PCDH18: variants seen among roughly 807,000 people sequenced by gnomAD.
PCDH18 encodes protocadherin 18, also known as protocadherin-18.
PCDH18 carries 38 observed loss-of-function variants against 71.5 expected under a neutral mutation model. That is an observed-to-expected ratio of 0.53 (90% CI 0.41 to 0.70). The LOEUF is 0.70. Ranked by LOEUF, PCDH18 falls within the 30% of genes least tolerant of loss-of-function variation. PCDH18 has a pLI of 0.00. For missense variants in PCDH18, 1,334 were observed against 1,384.6 expected (o/e 0.96, Z 0.58); for synonymous variants, 565 against 505.4 (o/e 1.12, Z -1.58).
In PCDH18 at chr4:137,521,243, G is replaced by A. The variant is rs1731282952; in HGVS notation, c.3194C>T (p.Pro1065Leu). ...AWAASTHFQN[P>L]TTNCGPPLGT... is the part of the protein sequence containing the mutation. ...AAGTGGCGGCCCACAGTTGGTGGTGGGATTTTGAAAATGCGTACTGGCTGC... is the reference window on the plus strand; with the variant it reads ...AAGTGGCGGCCCACAGTTGGTGGTGAGATTTTGAAAATGCGTACTGGCTGC... Residue 1065 changes from proline to leucine, a missense_variant, in exon 4 of 4, where the codon CCC becomes CTC. Coordinates refer to ENST00000344876, the MANE Select transcript of PCDH18 (RefSeq NM_019035.5). 1 of 1,613,894 alleles carries A rather than the reference G, an allele frequency of 6.2e-7. No individual in the cohort carries two copies. The highest frequency in any genetic ancestry group is 8.5e-7 in the Non-Finnish European group (1 of 1,179,832).
Position 137,530,493 on chromosome 4 carries a change from G to A in PCDH18, c.1596C>T (p.Ile532=). Reference sequence around the variant, plus strand: ...TCTGACTCACTTCTTCATGATCAAAGATTCTGAGGGCATAGATGGCTCCAT... The same window carrying A: ...TCTGACTCACTTCTTCATGATCAAAAATTCTGAGGGCATAGATGGCTCCAT... ...PSNGAIYALR[I]FDHEEVSQIT... is the part of the protein sequence containing the mutation. Residue 532 remains isoleucine, a synonymous_variant, in exon 1 of 4, where the codon ATC becomes ATT. Coordinates refer to ENST00000344876, the MANE Select transcript of PCDH18 (RefSeq NM_019035.5). 6.2e-7 allele frequency: 1 copy of A among 1,613,994 alleles called. No homozygotes were observed. Among genetic ancestry groups the A allele is most frequent in the South Asian group, 1.1e-5 (1 of 91,072 alleles).
In PCDH18 at chr4:137,521,200, C is replaced by A. The variant is rs1411948196; in HGVS notation, c.3237G>T (p.Val1079=). 17 of 1,614,018 alleles carry A rather than the reference C, an allele frequency of 1.1e-5. No homozygotes were observed. In the East Asian group the frequency reaches 3.8e-4, roughly 36 times the overall value. Residue 1079 remains valine (V), a synonymous_variant, in exon 4 of 4, where the codon GTG becomes GTT. Coordinates refer to ENST00000344876, the MANE Select transcript of PCDH18 (RefSeq NM_019035.5). The part of the protein sequence containing the change: ...CGPPLGTHSS[V]QPSSKWLPAM... ...CTGGCAGCCATTTTGAAGAAGGCTG[C>A]ACACTGGAGTGAGTTCCAAGTGGCG...
At chr4:137,528,373 T>A in intron 3 of PCDH18, 105 bp downstream of exon 3, 1 of 847,538 alleles carries the variant, frequency 1.2e-6, no homozygotes, top group East Asian at 2.4e-5. Context: ...AATACTTTAG[T>A]GCAAGGGACA....
In PCDH18 at chr4:137,519,054, A is replaced by C. The variant is rs1459092613; in HGVS notation, c.*1975T>G. Reference sequence around the variant, plus strand: ...ATATAAAAGTCTTTTTCTTAATGGTAATATATACTGAAAGGAAGTGAAGTT... The same window carrying C: ...ATATAAAAGTCTTTTTCTTAATGGTCATATATACTGAAAGGAAGTGAAGTT... On this transcript the variant is annotated 3_prime_UTR_variant, in exon 4 of 4. Transcript: ENST00000344876. 6.6e-6 allele frequency: 1 copy of C among 152,168 alleles called. No homozygotes were observed. The highest frequency in any genetic ancestry group is 1.5e-5 in the Non-Finnish European group (1 of 68,026). The allele number at this position is 152,168 out of a possible 1,614,324, so 9.4% of individuals were successfully genotyped here.
rs1239012643 is a variant in PCDH18 at position 137,519,314 on chromosome 4, G to A, written c.*1715C>T. 1.3e-5 allele frequency: 2 copies of A among 152,114 alleles called. No individual in the cohort carries two copies. Among genetic ancestry groups the A allele is most frequent in the African/African-American group, 4.8e-5 (2 of 41,412 alleles). The allele number at this position is 152,114 out of a possible 1,614,324, so 9.4% of individuals were successfully genotyped here. On this transcript the variant is annotated 3_prime_UTR_variant, in exon 4 of 4. Coordinates refer to ENST00000344876, the MANE Select transcript of PCDH18 (RefSeq NM_019035.5). ...TTCAATTCCTGACTAGCAAGCCAGG[G>A]ACGATAATATTCTTGCCTCCTGGAA... is the stretch of plus-strand genomic sequence containing the variant.
At chr4:137,524,989 T>A (rs1365774043) in intron 3 of PCDH18, among the ~76,000 whole-genome samples, 1 of 151,866 alleles carries the variant, frequency 6.6e-6, no homozygotes, top group Non-Finnish European at 1.5e-5. Flanking sequence ...ACATAGAATT[T>A]AAAAAGAATA....
rs762349551 is a variant in PCDH18 at position 137,529,592 on chromosome 4, A to C, written c.2487+10T>G. 1 of 1,570,254 alleles carries C rather than the reference A, an allele frequency of 6.4e-7. No homozygotes were observed. Among genetic ancestry groups the C allele is most frequent in the Non-Finnish European group, 8.7e-7 (1 of 1,152,408 alleles). On this transcript the variant is annotated intron_variant, in intron 1 of 3. Transcript: ENST00000344876. ...ACATTGCAATGAATTGATGCGGTTT[A>C]TGATCTTACCTCAACAGCAGGAGTG...
Position 137,528,685 on chromosome 4 carries a change from CA to C in PCDH18, c.2577-45del, listed in dbSNP as rs766810824. The C allele has an allele frequency of 2.5e-6, 4 of 1,608,354 alleles. No homozygotes were observed. In the East Asian group the frequency reaches 8.9e-5, roughly 36 times the overall value. On this transcript the variant is annotated intron_variant, in intron 2 of 3. Transcript: ENST00000344876. The stretch of plus-strand genomic sequence containing the variant: ...AAAAAAAATTACAGTTTTTACTCTT[CA>C]GCATTTATGTTGAAACTTAATAGGT...
chr4:137,526,690 T>TA (rs1483906614), intron 3 of PCDH18, among the ~76,000 whole-genome samples: 1 of 152,054 alleles, frequency 6.6e-6, no homozygotes. Flanking sequence ...TCCTGTGAGA[T>TA]ATATTATAGC....
Position 137,521,447 on chromosome 4 carries a change from C to T in PCDH18, c.2990G>A (p.Gly997Glu). 1 of 1,614,180 alleles carries T rather than the reference C, an allele frequency of 6.2e-7. No homozygotes were observed. Among genetic ancestry groups the T allele is most frequent in the Non-Finnish European group, 8.5e-7 (1 of 1,180,046 alleles). ...GAGCAGAGATGATGTGCTGGTATCCCCAGTGTCCTCATCGTTTGGGGAGTC... is the reference window on the plus strand; with the variant it reads ...GAGCAGAGATGATGTGCTGGTATCCTCAGTGTCCTCATCGTTTGGGGAGTC... Reference protein sequence around the residue: ...GKDSPNDEDTGDTSTSSLLSE... With the variant: ...GKDSPNDEDTEDTSTSSLLSE... The change falls in exon 4 of 4, where the codon GGG (glycine) becomes GAG (glutamate). Residue 997 changes from glycine to glutamate, a missense_variant. Coordinates refer to ENST00000344876, the MANE Select transcript of PCDH18 (RefSeq NM_019035.5).
Position 137,520,334 on chromosome 4 carries a change from C to T in PCDH18, c.*695G>A, listed in dbSNP as rs886916076. 6.6e-6 allele frequency: 1 copy of T among 152,038 alleles called. No homozygotes were observed. Among genetic ancestry groups the T allele is most frequent in the Non-Finnish European group, 1.5e-5 (1 of 67,984 alleles). The allele number at this position is 152,038 out of a possible 1,614,324, so 9.4% of individuals were successfully genotyped here. ...CTCCGGAACAGGCCAGTGTGATGGC[C>T]TGGAATAGTAGGGGCCTGGGAGTCA... On this transcript the variant is annotated 3_prime_UTR_variant, in exon 4 of 4. Coordinates refer to ENST00000344876, the MANE Select transcript of PCDH18 (RefSeq NM_019035.5).
At position 137,521,549 on chromosome 4, in the gene PCDH18, G is replaced by A; in HGVS notation, c.2888C>T (p.Pro963Leu). Residue 963 changes from proline to leucine, a missense_variant, in exon 4 of 4, where the codon CCA (proline) becomes CTA (leucine). Pro to Leu is a moderately conservative substitution (Grantham distance 98, BLOSUM62 -3). Transcript: ENST00000344876. ...EFPTQPQQQH[P>L]HQSLEDDAQP... is the part of the protein sequence containing the mutation. ...AGCGTCATCCTCAAGACTCTGATGT[G>A]GATGCTGCTGCTGGGGTTGCGTTGG... 1 of 1,614,078 alleles carries A rather than the reference G, an allele frequency of 6.2e-7. No homozygotes were observed. Among genetic ancestry groups the A allele is most frequent in the Non-Finnish European group, 8.5e-7 (1 of 1,180,026 alleles).
Position 137,528,490 on chromosome 4 carries a change from TTCC to T in PCDH18, c.2725_2727del (p.Gly909del). 1 of 1,613,834 alleles carries T rather than the reference TTCC, an allele frequency of 6.2e-7. No homozygotes were observed. Among genetic ancestry groups the T allele is most frequent in the Admixed American group, 1.7e-5 (1 of 59,998 alleles). On this transcript the variant is annotated inframe_deletion, in exon 3 of 4. Coordinates refer to ENST00000344876, the MANE Select transcript of PCDH18 (RefSeq NM_019035.5). ...ACTACCCTCTTACCTGCTGGAATTCTTCCATCTGTGAGAAACAGGTCGCTGAAT... is the reference window on the plus strand; with the variant it reads ...ACTACCCTCTTACCTGCTGGAATTCTATCTGTGAGAAACAGGTCGCTGAAT...
chr4:137,529,844 T>C lies in PCDH18; in HGVS notation c.2245A>G (p.Arg749Gly). 1 of 1,611,220 alleles carries C rather than the reference T, an allele frequency of 6.2e-7. No homozygotes were observed. The highest frequency in any genetic ancestry group is 2.2e-5 in the East Asian group (1 of 44,814). Residue 749 changes from arginine to glycine, a missense_variant, in exon 1 of 4, where the codon AGG becomes GGG. By Grantham distance (125) the Arg-to-Gly change is moderately radical. This residue lies in a region of PCDH18 where 1,011 missense variants were observed against 1,048.0 expected (regional missense o/e 0.96). Transcript: ENST00000344876. ...AESTYQHHPK[R>G]PSRQIHKGDI... ...CCTTTGTGAATCTGCCGGGATGGCC[T>C]TTTTGGGTGGTGCTGGTAAGTTGAT...
chr4:137,527,374 TG>T (rs552323839), intron 3 of PCDH18, among the ~76,000 whole-genome samples: 13 of 146,224 alleles, frequency 8.9e-5, no homozygotes, highest in African/African-American at 3.2e-4. Context: ...TATACTGTAT[TG>T]TTTTTTATTT....
At chr4:137,521,752 G>T in intron 3 of PCDH18, 56 bp from the exon 4 acceptor site, 1 of 1,352,752 alleles carries the variant, frequency 7.4e-7, no homozygotes, top group East Asian at 2.3e-5. Flanking sequence ...GATTCAAAAT[G>T]ATGCAAAAAT....
At chr4:137,527,636 A>G (rs925567370) in intron 3 of PCDH18, among the ~76,000 whole-genome samples, 1 of 141,646 alleles carries the variant, frequency 7.1e-6, no homozygotes, top group African/African-American at 2.9e-5. Context: ...TCTTTCATAT[A>G]TCAAATGGCA....
chr4:137,532,466 C>A lies in PCDH18; in HGVS notation c.-378G>T. On this transcript the variant is annotated 5_prime_UTR_variant, in exon 1 of 4. Coordinates refer to ENST00000344876, the MANE Select transcript of PCDH18 (RefSeq NM_019035.5). ...AGCTGCTCGGCTGCAGACTAAACAC[C>A]CGTGATTGCTGACTCCAGTCTAAAA... 1.6e-6 allele frequency: 1 copy of A among 634,330 alleles called. No individual in the cohort carries two copies. The highest frequency in any genetic ancestry group is 2.8e-6 in the Non-Finnish European group (1 of 352,856). The allele number at this position is 634,330 out of a possible 1,614,324, so 39.3% of individuals were successfully genotyped here.
intron 3 of PCDH18, among the ~76,000 whole-genome samples, chr4:137,526,987 C>G (rs576562601): frequency 1.6e-4 from 24 of 151,254 alleles, no homozygotes; most frequent in African/African-American, 5.8e-4. Flanking sequence ...AAAATAGAAG[C>G]CTGTTACTAC....
Sources: allele counts gnomAD v4.1 joint callset (sites outside exome capture counted in the v4.1 genomes callset), GRCh38; gene constraint gnomAD v4.1.1; regional missense constraint gnomAD v4.1.1; transcripts MANE v1.5; gene names NCBI Gene and HGNC (gene_info 2026-07-23, HGNC 2026-07-21).